The following XYLB variants were observed in gnomAD, a reference collection of about 807,000 sequenced individuals.
XYLB encodes the protein xylulose kinase.
XYLB carries 62 observed loss-of-function variants against 78.7 expected under a neutral mutation model. That is an observed-to-expected ratio of 0.79 (90% CI 0.64 to 0.97). The LOEUF (loss-of-function observed/expected upper bound fraction) is 0.97, where lower values mean the gene tolerates loss of function less well. XYLB is among the 50% of genes least tolerant of loss of function. The probability of loss-of-function intolerance (pLI) is 0.00; values close to 1 mark genes in which losing one functional copy is unlikely to be tolerated. For missense variants in XYLB, 687 were observed against 676.8 expected (o/e 1.02, Z -0.17); for synonymous variants, 245 against 247.4 (o/e 0.99, Z 0.09).
chr3:38,352,386 A>C (rs973030965), intron 2 of XYLB, among the ~76,000 whole-genome samples: 1 of 152,234 alleles, frequency 6.6e-6, no homozygotes, highest in African/African-American at 2.4e-5. Context: ...ATGTATTGAC[A>C]TGTAAACACA....
Position 38,365,685 on chromosome 3 carries a change from T to C in XYLB, c.456T>C (p.Ala152=), listed in dbSNP as rs1706217608. Reference sequence around the variant, plus strand: ...CCCAGTGCCGCCAGCTGGAGGCTGCTGTGGGTGGTGCTCAGGCTCTCAGCT... The same window carrying C: ...CCCAGTGCCGCCAGCTGGAGGCTGCCGTGGGTGGTGCTCAGGCTCTCAGCT... ...TTAQCRQLEA[A]VGGAQALSCL... Residue 152 remains alanine, a synonymous_variant, in exon 6 of 19, where the codon GCT becomes GCC. Transcript: ENST00000207870. 6.2e-7 allele frequency: 1 copy of C among 1,613,900 alleles called. No individual in the cohort carries two copies. The highest frequency in any genetic ancestry group is 8.5e-7 in the Non-Finnish European group (1 of 1,179,990).
the XYLB span, among the ~76,000 whole-genome samples, chr3:38,433,737 G>C: frequency 6.6e-6 from 1 of 152,130 alleles, no homozygotes; most frequent in Non-Finnish European, 1.5e-5. Context: ...CAGCATTTTG[G>C]TCAAAGCCAT....
the XYLB span, among the ~76,000 whole-genome samples, chr3:38,428,043 A>G: frequency 6.6e-6 from 1 of 152,144 alleles, no homozygotes; most frequent in Non-Finnish European, 1.5e-5. Flanking sequence ...TTCCATTGTC[A>G]TTCTGCTCAA....
chr3:38,357,804 T>G (rs75637448), intron 2 of XYLB, among the ~76,000 whole-genome samples: 10,372 of 152,204 alleles, frequency 0.068, 423 homozygotes, highest in Middle Eastern at 0.12. Flanking sequence ...TGATGTTGAG[T>G]ATCTTTGCCA....
chr3:38,448,293 T>A, the XYLB span, among the ~76,000 whole-genome samples: 1 of 152,254 alleles, frequency 6.6e-6, no homozygotes, highest in South Asian at 2.1e-4. Context: ...AACATACAGA[T>A]AGAATAAACT....
chr3:38,379,369 C>A (rs368030998), intron 15 of XYLB, 27 bp downstream of exon 15: 2 of 1,611,658 alleles, frequency 1.2e-6, no homozygotes, highest in Non-Finnish European at 1.7e-6. Flanking sequence ...CAGCATGTGT[C>A]CCGGGGTGGG....
chr3:38,415,240 C>T (rs1429693250), downstream of XYLB, among the ~76,000 whole-genome samples: 4 of 152,218 alleles, frequency 2.6e-5, no homozygotes, highest in African/African-American at 7.2e-5. Flanking sequence ...TTTCATATTT[C>T]ACCAAGCTGT....
At chr3:38,442,163 C>T in the XYLB span, among the ~76,000 whole-genome samples, 1 of 152,176 alleles carries the variant, frequency 6.6e-6, no homozygotes, top group Non-Finnish European at 1.5e-5. Flanking sequence ...GTATTCATTC[C>T]TTGCTGAGGG....
At chr3:38,396,028 C>T (rs1164660017) in intron 16 of XYLB, among the ~76,000 whole-genome samples, 1 of 152,230 alleles carries the variant, frequency 6.6e-6, no homozygotes, top group East Asian at 1.9e-4. Flanking sequence ...ATGTCTGACA[C>T]TCAGACTGTC....
At chr3:38,402,423 G>T (rs2125659202) in intron 18 of XYLB, among the ~76,000 whole-genome samples, 1 of 152,308 alleles carries the variant, frequency 6.6e-6, no homozygotes, top group South Asian at 2.1e-4. Flanking sequence ...TATCTTGGAA[G>T]CAAGAGCTCA....
the XYLB span, among the ~76,000 whole-genome samples, chr3:38,448,950 C>T: frequency 2.3e-4 from 35 of 152,172 alleles, 1 homozygote; most frequent in South Asian, 6.4e-3. Flanking sequence ...CAGAGGCTCG[C>T]CCACACAGCT....
Position 38,365,213 on chromosome 3 carries a change from A to T in XYLB, c.306A>T (p.Ile102=). The T allele has an allele frequency of 6.2e-7, 1 of 1,614,184 alleles. No homozygotes were observed. The highest frequency in any genetic ancestry group is 8.5e-7 in the Non-Finnish European group (1 of 1,180,040). ...TTTCCCAACAGCAACACGGAAGTAT[A>T]TACTGGAAGGCTGGAGCCCAGCAGG... ...LSGAGQQHGS[I]YWKAGAQQAL... The change falls in exon 5 of 19, where the codon ATA becomes ATT. Residue 102 remains isoleucine, a synonymous_variant. Coordinates refer to ENST00000207870, the MANE Select transcript of XYLB (RefSeq NM_005108.4).
chr3:38,347,015 T>G (rs895170684), intron 1 of XYLB, 90 bp downstream of exon 1: 2 of 1,249,698 alleles, frequency 1.6e-6, no homozygotes, highest in South Asian at 2.2e-5. Flanking sequence ...CGGGAAAACA[T>G]GGGCCCGGCC....
chr3:38,419,578 T>TA (rs1708907358), downstream of XYLB, among the ~76,000 whole-genome samples: 1 of 68,280 alleles, frequency 1.5e-5, no homozygotes, highest in Admixed American at 1.6e-4. Context: ...TTATTTTTCT[T>TA]TATATATATA....
At chr3:38,421,023 C>T (rs1220765951), downstream of XYLB, among the ~76,000 whole-genome samples, 2 of 152,348 alleles carry the variant, frequency 1.3e-5, no homozygotes, top group African/African-American at 2.4e-5. Context: ...CTCTGCTCCT[C>T]GCTGAGATTG....
At chr3:38,447,125 C>T in the XYLB span, among the ~76,000 whole-genome samples, 7 of 152,084 alleles carry the variant, frequency 4.6e-5, no homozygotes, top group African/African-American at 1.7e-4. Context: ...CATGCATAGA[C>T]ATTTTGAAAA....
intron 8 of XYLB, among the ~76,000 whole-genome samples, 187 bp downstream of exon 8, chr3:38,368,444 G>T (rs899287746): frequency 6.6e-6 from 1 of 152,190 alleles, no homozygotes. Flanking sequence ...AGCAGCTGAA[G>T]ACCACCGTGT....
chr3:38,370,240 G>GCACATACA (rs1706480520), intron 9 of XYLB, 66 bp downstream of exon 9: 1 of 583,300 alleles, frequency 1.7e-6, no homozygotes, highest in Non-Finnish European at 3.1e-6. Context: ...GCACTGTAGC[G>GCACATACA]CACACACACA....
chr3:38,410,057 A>G (rs1215643384), intron 18 of XYLB, among the ~76,000 whole-genome samples: 3 of 152,220 alleles, frequency 2.0e-5, no homozygotes, highest in Non-Finnish European at 4.4e-5. Flanking sequence ...TGGAACCAAA[A>G]AAGAGCCCGC....
Sources: allele counts gnomAD v4.1 joint callset (sites outside exome capture counted in the v4.1 genomes callset), GRCh38; gene constraint gnomAD v4.1.1; transcripts MANE v1.5; gene names NCBI Gene and HGNC (gene_info 2026-07-23, HGNC 2026-07-21).